Variants in CASZ1 observed in about 807,000 individuals in gnomAD.
CASZ1 encodes zinc finger protein castor homolog 1.
In CASZ1, 28 loss-of-function variants were observed where a neutral mutation model predicts 135.2. That is an observed-to-expected ratio of 0.21 (90% CI 0.15 to 0.28). The LOEUF (loss-of-function observed/expected upper bound fraction) is 0.28, where lower values mean the gene tolerates loss of function less well. CASZ1 is among the 10% of genes least tolerant of loss of function. The probability of loss-of-function intolerance (pLI) is 1.00; values close to 1 mark genes in which losing one functional copy is unlikely to be tolerated. For missense variants in CASZ1, 2,161 were observed against 2,453.3 expected (o/e 0.88, Z 2.52); for synonymous variants, 1,068 against 1,073.4 (o/e 0.99, Z 0.10).
At chr1:10,670,471 C>T (rs1280599955) in intron 4 of CASZ1, among the ~76,000 whole-genome samples, 4 of 152,196 alleles carry the variant, frequency 2.6e-5, no homozygotes, top group Non-Finnish European at 4.4e-5. Context: ...CATTTACTTC[C>T]GAACTTGCAG....
chr1:10,662,687 AACAC>A (rs1557482970), intron 5 of CASZ1, among the ~76,000 whole-genome samples: 1 of 151,930 alleles, frequency 6.6e-6, no homozygotes, highest in Non-Finnish European at 1.5e-5. Flanking sequence ...TCTCACATAA[AACAC>A]ACATACCCAG....
chr1:10,647,599 GC>G lies in CASZ1; in HGVS notation c.3497+201del. 7.0e-7 allele frequency: 1 copy of G among 1,435,528 alleles called. No homozygotes were observed. The highest frequency in any genetic ancestry group is 1.4e-5 in the African/African-American group (1 of 69,924). 88.9% of individuals were successfully genotyped at this position (1,435,528 alleles called of 1,614,324 possible). The stretch of plus-strand genomic sequence containing the variant: ...CTGCCGCCACCATCGGCCCACGCGG[GC>G]TGGCCTGCTCTGGGACAGGCAGTGA... On this transcript the variant is annotated intron_variant, in intron 16 of 20. Transcript: ENST00000377022. The surrounding 1 kb of genome is among the most constrained non-coding windows in gnomAD (Gnocchi z 4.9).
Position 10,649,187 on chromosome 1 carries a change from C to G in CASZ1, c.3041G>C (p.Gly1014Ala). 1 of 1,613,556 alleles carries G rather than the reference C, an allele frequency of 6.2e-7. No homozygotes were observed. Among genetic ancestry groups the G allele is most frequent in the Non-Finnish European group, 8.5e-7 (1 of 1,179,930 alleles). Residue 1014 changes from glycine (G) to alanine (A), a missense_variant, in exon 15 of 21, where the codon GGT becomes GCT. Around this residue, in one of 7 missense-constraint regions of CASZ1, gnomAD observed 349 missense variants for 460.8 expected, o/e 0.76. Coordinates refer to ENST00000377022, the MANE Select transcript of CASZ1 (RefSeq NM_001079843.3). ...EPWKVYLRRF[G>A]TKDFCDGQCD... is the part of the protein sequence containing the mutation. ...CTGGCCGTCACAGAAGTCCTTTGTA[C>G]CAAACCTAGCCAGAGGAGCTGGCGT...
intron 4 of CASZ1, among the ~76,000 whole-genome samples, chr1:10,669,536 C>T (rs1037990530): frequency 7.2e-5 from 11 of 152,234 alleles, no homozygotes; most frequent in Non-Finnish European, 1.0e-4. Flanking sequence ...TCACCCCCTC[C>T]GTAGGCGGGG....
intron 6 of CASZ1, among the ~76,000 whole-genome samples, chr1:10,659,098 C>T (rs746086581): frequency 2.6e-5 from 4 of 151,622 alleles, no homozygotes; most frequent in African/African-American, 4.8e-5. Context: ...CTACCCAGGC[C>T]GTTCCCCTGC....
chr1:10,639,083 CTCGTCGTCGTCG>C lies in CASZ1; in HGVS notation c.5127_5138del (p.Asp1709_Asp1712del). On this transcript the variant is annotated inframe_deletion, in exon 21 of 21. Coordinates refer to ENST00000377022, the MANE Select transcript of CASZ1 (RefSeq NM_001079843.3). This position sits in a 1 kb window ranked among gnomAD's most constrained non-coding sequence, Gnocchi z 4.0. Reference sequence around the variant, plus strand: ...ACTCCTCCGAGTCGGTGCGCAGGTCCTCGTCGTCGTCGTCCTCGTCGTCGTCCTCGTCGTCGT... The same window carrying C: ...ACTCCTCCGAGTCGGTGCGCAGGTCCTCCTCGTCGTCGTCCTCGTCGTCGT... 8.7e-7 allele frequency: 1 copy of C among 1,146,772 alleles called. No individual in the cohort carries two copies. The allele number at this position is 1,146,772 out of a possible 1,614,324, so 71.0% of individuals were successfully genotyped here.
At chr1:10,745,428 C>T (rs540390714) in intron 2 of CASZ1, among the ~76,000 whole-genome samples, 4 of 152,262 alleles carry the variant, frequency 2.6e-5, no homozygotes, top group Non-Finnish European at 5.9e-5. Context: ...CCTTCCTTGC[C>T]CTTCGCCAAG....
intron 3 of CASZ1, among the ~76,000 whole-genome samples, chr1:10,702,734 A>G (rs1351254867): frequency 6.6e-6 from 1 of 152,000 alleles, no homozygotes; most frequent in Admixed American, 6.6e-5. Flanking sequence ...CCAGCGGGGG[A>G]AGTGGCCACG....
rs373111146 is a variant in CASZ1 at position 10,639,703 on chromosome 1, G to C, written c.4519C>G (p.Pro1507Ala). The C allele has an allele frequency of 1.8e-4, 282 of 1,594,920 alleles. No homozygotes were observed. Among genetic ancestry groups the C allele is most frequent in the Non-Finnish European group, 2.4e-4 (276 of 1,171,942 alleles). The change falls in exon 21 of 21, where the codon CCC becomes GCC. Residue 1507 changes from proline (P) to alanine (A), a missense_variant. This residue lies in a region of CASZ1 where 240 missense variants were observed against 321.4 expected (regional missense o/e 0.75). Coordinates refer to ENST00000377022, the MANE Select transcript of CASZ1 (RefSeq NM_001079843.3). This position sits in a 1 kb window ranked among gnomAD's most constrained non-coding sequence, Gnocchi z 4.0. ...AAGTGCGTGCTGGTGCCCGAGAAGG[G>C]GCAGTCGGCGAAGTGGCAGCTGAGT... The part of the protein sequence containing the change: ...ASLSCHFADC[P>A]FSGTSTHFHC...
Position 10,647,505 on chromosome 1 carries a change from A to C in CASZ1, c.3497+296T>G. The stretch of plus-strand genomic sequence containing the variant: ...TCAGGCTGGGAGTTGTCCTCTGAGG[A>C]CCACCACGCCCAGTCCACCCCACCT... On this transcript the variant is annotated intron_variant, in intron 16 of 20. Coordinates refer to ENST00000377022, the MANE Select transcript of CASZ1 (RefSeq NM_001079843.3). The surrounding 1 kb of genome is among the most constrained non-coding windows in gnomAD (Gnocchi z 4.9). The C allele has an allele frequency of 7.7e-7, 1 of 1,301,908 alleles. No homozygotes were observed. The highest frequency in any genetic ancestry group is 3.0e-4 in the Middle Eastern group (1 of 3,282). The allele number at this position is 1,301,908 out of a possible 1,614,324, so 80.6% of individuals were successfully genotyped here.
At chr1:10,683,118 A>G (rs1435437486) in intron 4 of CASZ1, among the ~76,000 whole-genome samples, 5 of 152,178 alleles carry the variant, frequency 3.3e-5, no homozygotes, top group Non-Finnish European at 5.9e-5. Flanking sequence ...TCCAGTTACA[A>G]TCGGATCACA....
chr1:10,764,504 A>G (rs942510402), intron 1 of CASZ1, among the ~76,000 whole-genome samples: 1 of 152,222 alleles, frequency 6.6e-6, no homozygotes, highest in African/African-American at 2.4e-5. Flanking sequence ...AATCTTTACA[A>G]CACAAAGGCA....
Position 10,637,945 on chromosome 1 carries a change from G to A in CASZ1, c.*997C>T, listed in dbSNP as rs1043764918. 7 of 152,288 alleles carry A rather than the reference G, an allele frequency of 4.6e-5. No homozygotes were observed. Among genetic ancestry groups the A allele is most frequent in the African/African-American group, 1.7e-4 (7 of 41,406 alleles). The allele number at this position is 152,288 out of a possible 1,614,324, so 9.4% of individuals were successfully genotyped here. A position where few individuals can be genotyped will look rare whatever the true frequency, so the allele number is the denominator to read the frequency against. ...CTTGTCTCTACAAAATTCAAGTTAA[G>A]AGTTGGAATCACGCAGCTCCCATCA... On this transcript the variant is annotated 3_prime_UTR_variant, in exon 21 of 21. Transcript: ENST00000377022.
chr1:10,762,884 G>A lies in CASZ1; in HGVS notation c.-233-2027C>T, dbSNP rs1275169156. On this transcript the variant is annotated intron_variant, in intron 1 of 20. Coordinates refer to ENST00000377022, the MANE Select transcript of CASZ1 (RefSeq NM_001079843.3). This position sits in a 1 kb window ranked among gnomAD's most constrained non-coding sequence, Gnocchi z 4.1. ...AGGAGGTTCCAGCTATGGAAGGAAA[G>A]GGGGCTCCAGGCCCTGGTGGGACGC... 6.6e-6 allele frequency among the ~76,000 whole-genome samples: 1 copy of A among 152,250 alleles called. No homozygotes were observed. Among genetic ancestry groups the A allele is most frequent in the Non-Finnish European group, 1.5e-5 (1 of 68,048 alleles).
At chr1:10,702,350 G>A (rs1032683396) in intron 3 of CASZ1, among the ~76,000 whole-genome samples, 2 of 152,188 alleles carry the variant, frequency 1.3e-5, no homozygotes, top group African/African-American at 4.8e-5. Flanking sequence ...GCCAGTGAAG[G>A]TCAGAGATCT....
rs954559173 is a variant in CASZ1, at chr1:10,721,527, C to T, written c.-76-15983G>A. ...CATAGGATCTCCTCCATTCCCGGCT[C>T]GCAGGGAGCTTGAAACCAGGACTGG... On this transcript the variant is annotated intron_variant, in intron 2 of 20. Coordinates refer to ENST00000377022, the MANE Select transcript of CASZ1 (RefSeq NM_001079843.3). The surrounding 1 kb of genome is among the most constrained non-coding windows in gnomAD (Gnocchi z 5.4). Among the ~76,000 whole-genome samples the T allele has an allele frequency of 2.0e-5, 3 of 152,154 alleles. No individual in the cohort carries two copies. Among genetic ancestry groups the T allele is most frequent in the Non-Finnish European group, 2.9e-5 (2 of 68,032 alleles).
chr1:10,639,134 G>A lies in CASZ1; in HGVS notation c.5088C>T (p.Asp1696=). The change falls in exon 21 of 21, where the codon GAC becomes GAT. Residue 1696 remains aspartate (D), a synonymous_variant. Transcript: ENST00000377022. The surrounding 1 kb of genome is among the most constrained non-coding windows in gnomAD (Gnocchi z 4.0). Reference sequence around the variant, plus strand: ...CCTCGTCGTCGTCGTCCTCGTCGTCGTCCTCGTCCTCGTCGTCTTCGGCCT... The same window carrying A: ...CCTCGTCGTCGTCGTCCTCGTCGTCATCCTCGTCCTCGTCGTCTTCGGCCT... ...EEEAEDDEDE[D]DDEDDDDEDD... is the part of the protein sequence containing the mutation. 7.1e-6 allele frequency: 8 copies of A among 1,122,850 alleles called. No individual in the cohort carries two copies. The highest frequency in any genetic ancestry group is 6.2e-5 in the East Asian group (1 of 16,176). The allele number at this position is 1,122,850 out of a possible 1,614,324, so 69.6% of individuals were successfully genotyped here.
Position 10,649,405 on chromosome 1 carries a change from C to T in CASZ1, c.2913G>A (p.Leu971=). ...MSQGNPGLGS[L]LNIKAEAEGS... is the part of the protein sequence containing the mutation. ...CCTCCGCTTCCGCCTTGATGTTCAG[C>T]AGGCTGCCCAGGCCAGGGTTGCCCT... Residue 971 remains leucine (L), a synonymous_variant, in exon 14 of 21, where the codon CTG becomes CTA. Transcript: ENST00000377022. The T allele has an allele frequency of 6.2e-7, 1 of 1,611,000 alleles. No homozygotes were observed. Among genetic ancestry groups the T allele is most frequent in the Non-Finnish European group, 8.5e-7 (1 of 1,179,022 alleles).
chr1:10,640,715 A>G (rs1359479954), intron 20 of CASZ1, among the ~76,000 whole-genome samples: 1 of 152,188 alleles, frequency 6.6e-6, no homozygotes, highest in Non-Finnish European at 1.5e-5. Flanking sequence ...ACCAGGACTC[A>G]GGGAGCTCAA....
Sources: allele counts gnomAD v4.1 joint callset (sites outside exome capture counted in the v4.1 genomes callset), GRCh38; gene constraint gnomAD v4.1.1; regional missense constraint gnomAD v4.1.1; non-coding constraint Gnocchi (gnomAD v3.1); transcripts MANE v1.5; gene names NCBI Gene and HGNC (gene_info 2026-07-23, HGNC 2026-07-21).